The following UBE2H variants were observed in gnomAD, a reference collection of about 807,000 sequenced individuals.
UBE2H encodes the protein ubiquitin-conjugating enzyme E2 H.
In UBE2H, 3 loss-of-function variants were observed where a neutral mutation model predicts 29.0. The ratio of observed to expected loss-of-function variants is 0.10; its 90% CI spans 0.05 to 0.27. UBE2H has a LOEUF of 0.27. Ranked by LOEUF, UBE2H falls within the 10% of genes least tolerant of loss-of-function variation. The probability of loss-of-function intolerance (pLI) is 1.00; values close to 1 mark genes in which losing one functional copy is unlikely to be tolerated. For missense variants in UBE2H, 68 were observed against 228.2 expected (o/e 0.30, Z 4.52); for synonymous variants, 69 against 82.9 (o/e 0.83, Z 0.91).
intron 6 of UBE2H, among the ~76,000 whole-genome samples, chr7:129,836,886 A>AAAAAAAAAAAAAAAAAAAAAAAAAG (rs1805339005): frequency 2.0e-5 from 1 of 49,236 alleles, no homozygotes; most frequent in Non-Finnish European, 4.9e-5. Context: ...TCTCAAAAAA[A>AAAAAAAAAAAAAAAAAAAAAAAAAG]AAAAAAAAAA....
intron 4 of UBE2H, 75 bp downstream of exon 4, chr7:129,858,827 C>CT: frequency 1.4e-6 from 2 of 1,422,428 alleles, no homozygotes; most frequent in Non-Finnish European, 9.8e-7. Flanking sequence ...ATAACCGAGG[C>CT]TTTTTATAAC....
Position 129,831,084 on chromosome 7 carries a change from C to T in UBE2H, c.*3853G>A, listed in dbSNP as rs895998572. ...CTTCCTCAGATGAGTGGAAAACCTG[C>T]GCATGACAGGGCCGGCTCCCCCTTC... is the stretch of plus-strand genomic sequence containing the variant. On this transcript the variant is annotated 3_prime_UTR_variant, in exon 7 of 7. Transcript: ENST00000355621. 6.6e-6 allele frequency: 1 copy of T among 152,062 alleles called. No individual in the cohort carries two copies. Among genetic ancestry groups the T allele is most frequent in the African/African-American group, 2.4e-5 (1 of 41,392 alleles). The allele number at this position is 152,062 out of a possible 1,614,324, so 9.4% of individuals were successfully genotyped here. A position where few individuals can be genotyped will look rare whatever the true frequency, so the allele number is the denominator to read the frequency against.
intron 6 of UBE2H, among the ~76,000 whole-genome samples, 185 bp from the exon 7 acceptor site, chr7:129,835,246 G>A (rs145233323): frequency 5.3e-5 from 8 of 152,240 alleles, no homozygotes; most frequent in African/African-American, 1.7e-4. Context: ...TTTGGGACAG[G>A]GTTTCTGCAT....
At chr7:129,908,397 T>C (rs777340661) in intron 1 of UBE2H, among the ~76,000 whole-genome samples, 1 of 152,188 alleles carries the variant, frequency 6.6e-6, no homozygotes, top group Non-Finnish European at 1.5e-5. Flanking sequence ...TAAAGGCTAA[T>C]TGCATGGGCC....
chr7:129,859,406 A>C (rs748728215), intron 3 of UBE2H, among the ~76,000 whole-genome samples: 1 of 152,222 alleles, frequency 6.6e-6, no homozygotes, highest in Non-Finnish European at 1.5e-5. Flanking sequence ...AACATGAATG[A>C]AACTGTTGAA....
intron 1 of UBE2H, among the ~76,000 whole-genome samples, chr7:129,937,912 A>G (rs955155276): frequency 6.6e-6 from 1 of 152,194 alleles, no homozygotes; most frequent in Non-Finnish European, 1.5e-5. Context: ...TGCAAAGATG[A>G]GTGCTTTTAT....
intron 6 of UBE2H, among the ~76,000 whole-genome samples, chr7:129,836,417 G>C (rs1218540495): frequency 6.6e-6 from 1 of 152,202 alleles, no homozygotes; most frequent in African/African-American, 2.4e-5. Context: ...AAGATAAAAG[G>C]AGCTGCTGAG....
intron 1 of UBE2H, among the ~76,000 whole-genome samples, chr7:129,903,398 G>A (rs1806755392): frequency 6.6e-6 from 1 of 152,142 alleles, no homozygotes; most frequent in African/African-American, 2.4e-5. Context: ...GGCTCCTGAG[G>A]GATAGGAATT....
chr7:129,942,488 TCA>T (rs1409295922), intron 1 of UBE2H, among the ~76,000 whole-genome samples: 1 of 152,064 alleles, frequency 6.6e-6, no homozygotes, highest in African/African-American at 2.4e-5. Context: ...ACTCCGTCTC[TCA>T]CACACACAAA....
intron 1 of UBE2H, among the ~76,000 whole-genome samples, chr7:129,914,538 G>A (rs1318777149): frequency 1.3e-5 from 2 of 152,156 alleles, no homozygotes; most frequent in East Asian, 3.9e-4. Context: ...AAAGACCTTT[G>A]TAAATCAGAT....
At chr7:129,920,543 G>A (rs879757670) in intron 1 of UBE2H, among the ~76,000 whole-genome samples, 4 of 151,866 alleles carry the variant, frequency 2.6e-5, no homozygotes, top group Non-Finnish European at 4.4e-5. Context: ...AAGTAATATT[G>A]AATCAAAATG....
At chr7:129,931,717 T>C (rs929288912) in intron 1 of UBE2H, among the ~76,000 whole-genome samples, 2 of 152,164 alleles carry the variant, frequency 1.3e-5, no homozygotes, top group East Asian at 1.9e-4. Context: ...ACATTTTTTG[T>C]TGATATAATG....
At chr7:129,861,583 T>A (rs1295513226) in intron 3 of UBE2H, among the ~76,000 whole-genome samples, 1 of 152,096 alleles carries the variant, frequency 6.6e-6, no homozygotes, top group Admixed American at 6.6e-5. Flanking sequence ...TTAAAAAAAC[T>A]CCGAAATAAA....
chr7:129,891,724 C>CA (rs915324370), intron 1 of UBE2H, among the ~76,000 whole-genome samples: 3 of 151,026 alleles, frequency 2.0e-5, no homozygotes, highest in African/African-American at 7.3e-5. Flanking sequence ...ACTGCTTGAA[C>CA]AGGGAGGCAG....
intron 5 of UBE2H, chr7:129,856,827 A>G (rs996834899): frequency 6.6e-6 from 1 of 152,304 alleles, no homozygotes; most frequent in Admixed American, 6.5e-5. Flanking sequence ...TTGAGTAAGC[A>G]TGAATTTTGG....
chr7:129,926,828 A>G (rs1346558861), intron 1 of UBE2H, among the ~76,000 whole-genome samples: 1 of 152,180 alleles, frequency 6.6e-6, no homozygotes, highest in African/African-American at 2.4e-5. Context: ...GATCATAAAA[A>G]GCTCAGCCCC....
intron 1 of UBE2H, among the ~76,000 whole-genome samples, chr7:129,944,228 T>C (rs1003094213): frequency 5.3e-5 from 8 of 151,750 alleles, no homozygotes; most frequent in South Asian, 2.1e-4. Flanking sequence ...TGGTGGCGGG[T>C]GCCTGTAGTT....
At chr7:129,916,828 G>A (rs552933353) in intron 1 of UBE2H, among the ~76,000 whole-genome samples, 35 of 152,234 alleles carry the variant, frequency 2.3e-4, no homozygotes, top group South Asian at 6.2e-4. Context: ...AAGAGGTTAA[G>A]AGATCAAGAC....
At chr7:129,872,845 CAAAAAAAAAAAAA>C (rs34001143) in intron 3 of UBE2H, among the ~76,000 whole-genome samples, 2 of 71,992 alleles carry the variant, frequency 2.8e-5, no homozygotes, top group East Asian at 5.3e-4. Context: ...CACTCCGTCT[CAAAAAAAAAAAAA>C]AAAAAAAAAA....
Sources: allele counts gnomAD v4.1 joint callset (sites outside exome capture counted in the v4.1 genomes callset), GRCh38; gene constraint gnomAD v4.1.1; transcripts MANE v1.5; gene names NCBI Gene and HGNC (gene_info 2026-07-23, HGNC 2026-07-21).